Variants in MGAT4C observed in about 807,000 individuals in gnomAD.
MGAT4C encodes the protein alpha-1,3-mannosyl-glycoprotein 4-beta-N-acetylglucosaminyltransferase C.
Under a neutral mutation model 40.1 loss-of-function variants are expected in MGAT4C, and 19 were observed. The ratio of observed to expected loss-of-function variants is 0.47; its 90% CI spans 0.33 to 0.70. The LOEUF is 0.70. Among genes scored for constraint, MGAT4C ranks in the 30% least tolerant of loss-of-function variants. The pLI is 0.02. For synonymous variants in MGAT4C, 181 were observed against 187.1 expected, an observed-to-expected ratio of 0.97 and a Z score of 0.27; for missense variants, 491 against 563.2, an observed-to-expected ratio of 0.87 and a Z score of 1.30.
chr12:86,142,062 T>C (rs1263451129), intron 1 of MGAT4C, among the ~76,000 whole-genome samples: 1 of 152,180 alleles, frequency 6.6e-6, no homozygotes, highest in Non-Finnish European at 1.5e-5. Context: ...ATCAACTTTA[T>C]TACTGACTCC....
In MGAT4C at chr12:86,271,242, A is replaced by G. The variant is rs796750923; in HGVS notation, c.-57+62823T>C. Among the ~76,000 whole-genome samples the G allele has an allele frequency of 4.3e-4, 65 of 152,300 alleles. 1 individual carries two copies. The highest frequency in any genetic ancestry group is 1.3e-3 in the African/African-American group (55 of 41,558). On this transcript the variant is annotated intron_variant, in intron 4 of 7. Coordinates refer to the MGAT4C transcript ENST00000548651. The stretch of plus-strand genomic sequence containing the variant: ...GGAGAAAACCTGTTGAATGAGAGAA[A>G]ATATTTGCAAACTATCCACCCAACA...
chr12:86,625,602 C>T (rs1962779232), intron 2 of MGAT4C, among the ~76,000 whole-genome samples: 1 of 152,012 alleles, frequency 6.6e-6, no homozygotes, highest in African/African-American at 2.4e-5. Flanking sequence ...AGAATGAACA[C>T]ATCCTCAGAG....
intron 2 of MGAT4C, among the ~76,000 whole-genome samples, chr12:86,716,605 G>T (rs1249831317): frequency 1.3e-5 from 2 of 152,172 alleles, no homozygotes; most frequent in South Asian, 2.1e-4. Context: ...TTAATAGTTT[G>T]CCAATTGATT....
intron 1 of MGAT4C, among the ~76,000 whole-genome samples, chr12:86,244,566 G>A (rs1951937023): frequency 6.6e-6 from 1 of 152,148 alleles, no homozygotes; most frequent in Non-Finnish European, 1.5e-5. Context: ...CTTCTACTCT[G>A]CGCTAGCACT....
At chr12:86,210,939 T>C (rs1950434820) in intron 1 of MGAT4C, among the ~76,000 whole-genome samples, 1 of 152,078 alleles carries the variant, frequency 6.6e-6, no homozygotes, top group South Asian at 2.1e-4. Context: ...AGTTTGTTTC[T>C]AATCTGATTG....
At chr12:86,475,971 G>C (rs1180248230) in intron 2 of MGAT4C, among the ~76,000 whole-genome samples, 1 of 151,792 alleles carries the variant, frequency 6.6e-6, no homozygotes, top group African/African-American at 2.4e-5. Context: ...GTTTTGATAT[G>C]CAAGTAGATA....
intron 2 of MGAT4C, among the ~76,000 whole-genome samples, chr12:86,038,763 A>T (rs993033710): frequency 6.7e-6 from 1 of 149,634 alleles, no homozygotes; most frequent in Non-Finnish European, 1.5e-5. Context: ...TGTGAGTTTG[A>T]TCCTGCCTTT....
At chr12:86,137,122 T>A (rs1882082185) in intron 1 of MGAT4C, among the ~76,000 whole-genome samples, 1 of 152,192 alleles carries the variant, frequency 6.6e-6, no homozygotes, top group Non-Finnish European at 1.5e-5. Context: ...AGAGTCACCT[T>A]ATATACATTC....
At chr12:86,384,084 C>T (rs1321868725) in intron 3 of MGAT4C, among the ~76,000 whole-genome samples, 1 of 152,148 alleles carries the variant, frequency 6.6e-6, no homozygotes, top group East Asian at 1.9e-4. Flanking sequence ...CTTCTCTTAT[C>T]TGCTGCCATG....
intron 2 of MGAT4C, among the ~76,000 whole-genome samples, chr12:86,560,736 G>T (rs1444625842): frequency 6.6e-6 from 1 of 152,004 alleles, no homozygotes; most frequent in Non-Finnish European, 1.5e-5. Context: ...AACAAGAAAA[G>T]AAATCCCAAT....
intron 2 of MGAT4C, among the ~76,000 whole-genome samples, chr12:85,990,289 A>C (rs754967985): frequency 6.6e-6 from 1 of 152,148 alleles, no homozygotes; most frequent in African/African-American, 2.4e-5. Flanking sequence ...AAAAATTTTT[A>C]CTCTTCTATT....
At chr12:86,021,754 A>G (rs530017585) in intron 2 of MGAT4C, among the ~76,000 whole-genome samples, 58 of 152,330 alleles carry the variant, frequency 3.8e-4, no homozygotes, top group African/African-American at 1.3e-3. Context: ...TAAAAAAGAC[A>G]TAATACATAA....
At chr12:86,718,819 C>T (rs1231304045) in intron 2 of MGAT4C, among the ~76,000 whole-genome samples, 1 of 152,102 alleles carries the variant, frequency 6.6e-6, no homozygotes, top group Non-Finnish European at 1.5e-5. Context: ...GTCTGTTTAT[C>T]TGAGGTGGGT....
At chr12:86,601,819 C>T (rs1961793786) in intron 2 of MGAT4C, among the ~76,000 whole-genome samples, 1 of 152,176 alleles carries the variant, frequency 6.6e-6, no homozygotes, top group Non-Finnish European at 1.5e-5. Context: ...ACACACCCCA[C>T]CCTCATCCAC....
At chr12:86,360,415 A>T (rs540802451) in intron 3 of MGAT4C, among the ~76,000 whole-genome samples, 1 of 152,332 alleles carries the variant, frequency 6.6e-6, no homozygotes, top group South Asian at 2.1e-4. Context: ...ATTCCCTTTG[A>T]AAACTGGCAC....
chr12:86,235,963 CA>C (rs1011785164), intron 1 of MGAT4C, among the ~76,000 whole-genome samples: 2 of 152,020 alleles, frequency 1.3e-5, no homozygotes, highest in Non-Finnish European at 2.9e-5. Flanking sequence ...AACAGAAGGT[CA>C]GCATATTTTA....
At position 86,746,892 on chromosome 12, in the gene MGAT4C, CTTGT is replaced by C. The variant is rs1271126307; in HGVS notation, c.-261-19655_-261-19652del. Among the ~76,000 whole-genome samples, 6 of 151,532 alleles carry C rather than the reference CTTGT, an allele frequency of 4.0e-5. 1 individual carries two copies. Among genetic ancestry groups the C allele is most frequent in the Admixed American group, 4.0e-4 (6 of 15,156 alleles). The stretch of plus-strand genomic sequence containing the variant: ...TTAACAAAATAGTAGGATCTAATTA[CTTGT>C]TTGTTTCGCTTGCTACATTTAAAGC... On this transcript the variant is annotated intron_variant, in intron 1 of 7. Coordinates refer to the MGAT4C transcript ENST00000548651.
In MGAT4C at chr12:86,366,560, G is replaced by A. The variant is rs58291880; in HGVS notation, c.-119-32433C>T. 3.9e-5 allele frequency among the ~76,000 whole-genome samples: 6 copies of A among 152,182 alleles called. No individual in the cohort carries two copies. In the East Asian group the frequency reaches 1.2e-3, roughly 29 times the overall value. Reference sequence around the variant, plus strand: ...TAAAGATGGCAACAACAGACACTGGGGACTACTAGGAGGAGGAGAGTGGAA... The same window carrying A: ...TAAAGATGGCAACAACAGACACTGGAGACTACTAGGAGGAGGAGAGTGGAA... On this transcript the variant is annotated intron_variant, in intron 3 of 7. Transcript: ENST00000548651.
chr12:86,601,826 C>A (rs1961793883), intron 2 of MGAT4C, among the ~76,000 whole-genome samples: 1 of 152,162 alleles, frequency 6.6e-6, no homozygotes, highest in Admixed American at 6.5e-5. Flanking sequence ...CCACCCTCAT[C>A]CACTTGCTGT....
Sources: allele counts gnomAD v4.1 joint callset (sites outside exome capture counted in the v4.1 genomes callset), GRCh38; gene constraint gnomAD v4.1.1; transcripts MANE v1.5; gene names NCBI Gene and HGNC (gene_info 2026-07-23, HGNC 2026-07-21).